NOL6: variants seen among roughly 807,000 people sequenced by gnomAD.
NOL6 encodes nucleolar protein 6.
Under a neutral mutation model 131.7 loss-of-function variants are expected in NOL6, and 33 were observed. That is an observed-to-expected ratio of 0.25 (90% CI 0.19 to 0.33). The LOEUF is 0.33. Among genes scored for constraint, NOL6 ranks in the 10% least tolerant of loss-of-function variants. The pLI, the probability that NOL6 is intolerant of heterozygous loss-of-function variation, is 1.00. For synonymous variants in NOL6, 580 were observed against 605.7 expected, an observed-to-expected ratio of 0.96 and a Z score of 0.62; for missense variants, 1,297 against 1,494.5, an observed-to-expected ratio of 0.87 and a Z score of 2.18.
In NOL6 at chr9:33,461,868, TAAGACTTGAGTCTCCCCC is replaced by T; in HGVS notation, c.*778_*795del. Reference sequence around the variant, plus strand: ...TTGGGCCCTGGGAGCTCCTGGGGAGTAAGACTTGAGTCTCCCCCATCTCTGCAACCCCACTGCAGGTAC... The same window carrying T: ...TTGGGCCCTGGGAGCTCCTGGGGAGTATCTCTGCAACCCCACTGCAGGTAC... On this transcript the variant is annotated 3_prime_UTR_variant, in exon 26 of 26. Transcript: ENST00000297990. 2.9e-6 allele frequency: 1 copy of T among 350,802 alleles called. No homozygotes were observed. Among genetic ancestry groups the T allele is most frequent in the South Asian group, 5.5e-5 (1 of 18,266 alleles). 21.7% of individuals were successfully genotyped at this position (350,802 alleles called of 1,614,324 possible).
At chr9:33,468,444 C>G in intron 9 of NOL6, 22 bp from the exon 10 acceptor site, 1 of 1,613,932 alleles carries the variant, frequency 6.2e-7, no homozygotes, top group Non-Finnish European at 8.5e-7. Context: ...TAGAGAGAAG[C>G]AGGTCAGGAT....
chr9:33,472,262 G>C lies in NOL6; in HGVS notation c.205C>G (p.Leu69Val), dbSNP rs769948895. ...ELYKEPTNEE[L>V]NRLRETEILF... is the part of the protein sequence containing the mutation. ...ATCTCAGTCTCCCGAAGGCGATTAA[G>C]CTCCTCATTGGTAGGCTCCTTGTAC... Residue 69 changes from leucine to valine, a missense_variant, in exon 2 of 26, where the codon CTT (leucine) becomes GTT (valine). Coordinates refer to ENST00000297990, the MANE Select transcript of NOL6 (RefSeq NM_022917.5). 1.9e-6 allele frequency: 3 copies of C among 1,614,118 alleles called. No homozygotes were observed. In the African/African-American group the frequency reaches 4.0e-5, roughly 22 times the overall value.
In NOL6 at chr9:33,466,981, A is replaced by G; in HGVS notation, c.1881T>C (p.Ala627=). 6.2e-7 allele frequency: 1 copy of G among 1,614,190 alleles called. No individual in the cohort carries two copies. Among genetic ancestry groups the G allele is most frequent in the Non-Finnish European group, 8.5e-7 (1 of 1,180,020 alleles). The change falls in exon 15 of 26, where the codon GCT becomes GCC. Residue 627 remains alanine (A), a synonymous_variant. Coordinates refer to ENST00000297990, the MANE Select transcript of NOL6 (RefSeq NM_022917.5). ...QVVTHLLALH[A]DIPETCVHYV... is the part of the protein sequence containing the mutation. The stretch of plus-strand genomic sequence containing the variant: ...AGTGGACACAGGTTTCTGGGATGTC[A>G]GCATGGCTGAAAAAGAGGCAGAGAC...
At chr9:33,465,018 A>G (rs779107059) in intron 20 of NOL6, 42 bp from the exon 21 acceptor site, 1 of 1,545,544 alleles carries the variant, frequency 6.5e-7, no homozygotes, top group Non-Finnish European at 8.9e-7. Flanking sequence ...GCCCAGCCAC[A>G]TATCCCCAGG....
At chr9:33,469,169 T>C (rs1490980592) in intron 6 of NOL6, 38 bp downstream of exon 6, 1 of 1,614,086 alleles carries the variant, frequency 6.2e-7, no homozygotes, top group Non-Finnish European at 8.5e-7. Context: ...CCCACACCTC[T>C]TCCCTCCAGC....
chr9:33,463,801 C>T (rs745502563), intron 23 of NOL6, 30 bp downstream of exon 23: 2 of 1,607,414 alleles, frequency 1.2e-6, no homozygotes, highest in Admixed American at 1.7e-5. Context: ...TCCCCAGAGG[C>T]CCTGGAGTCA....
In NOL6 at chr9:33,463,822, G is replaced by A. The variant is rs1488411918; in HGVS notation, c.2994+9C>T. 1 of 1,613,830 alleles carries A rather than the reference G, an allele frequency of 6.2e-7. No individual in the cohort carries two copies. The highest frequency in any genetic ancestry group is 8.5e-7 in the Non-Finnish European group (1 of 1,179,908). On this transcript the variant is annotated intron_variant, in intron 23 of 25. Coordinates refer to ENST00000297990, the MANE Select transcript of NOL6 (RefSeq NM_022917.5). Reference sequence around the variant, plus strand: ...GAGGCCCTGGAGTCACTGCTGGTCAGAAGCTTACCCTGATGTCCCCAGGTC... The same window carrying A: ...GAGGCCCTGGAGTCACTGCTGGTCAAAAGCTTACCCTGATGTCCCCAGGTC...
intron 3 of NOL6, among the ~76,000 whole-genome samples, chr9:33,471,314 T>C (rs922091767): frequency 1.3e-5 from 2 of 152,250 alleles, no homozygotes; most frequent in African/African-American, 4.8e-5. Flanking sequence ...GCATCACTGT[T>C]CTGCAAAATA....
At position 33,465,860 on chromosome 9, in the gene NOL6, C is replaced by T. The variant is rs140531440; in HGVS notation, c.2402G>A (p.Arg801Gln). 8.7e-5 allele frequency: 140 copies of T among 1,613,932 alleles called. No homozygotes were observed. The highest frequency in any genetic ancestry group is 1.0e-4 in the Non-Finnish European group (120 of 1,179,964). Residue 801 changes from arginine to glutamine, a missense_variant, in exon 19 of 26, where the codon CGG becomes CAG. Transcript: ENST00000297990. ...CACCTCCTTCAGGATCTGGGGCTCCCGCTGATAGGCCACGCGAATCCGAAA... is the reference window on the plus strand; with the variant it reads ...CACCTCCTTCAGGATCTGGGGCTCCTGCTGATAGGCCACGCGAATCCGAAA... ...FVFRIRVAYQ[R>Q]EPQILKEVQS...
chr9:33,465,021 T>A, intron 20 of NOL6, 45 bp from the exon 21 acceptor site: 1 of 1,524,972 alleles, frequency 6.6e-7, no homozygotes, highest in South Asian at 1.1e-5. Flanking sequence ...CAGCCACATA[T>A]CCCCAGGCTT....
chr9:33,465,210 G>A lies in NOL6; in HGVS notation c.2678C>T (p.Pro893Leu). The A allele has an allele frequency of 1.9e-6, 3 of 1,591,960 alleles. No homozygotes were observed. Among genetic ancestry groups the A allele is most frequent in the Non-Finnish European group, 2.6e-6 (3 of 1,168,744 alleles). The change falls in exon 20 of 26, where the codon CCG (proline) becomes CTG (leucine). Residue 893 changes from proline (P) to leucine (L), a missense_variant. Pro to Leu is a moderately conservative substitution (Grantham distance 98, BLOSUM62 -3). Coordinates refer to ENST00000297990, the MANE Select transcript of NOL6 (RefSeq NM_022917.5). ...GGGAAAAAGTGGAGGGAATCACCTC[G>A]GAGGGGTGAAGGGCTCAGGGTGCAG... ...LFLHPEPFTP[P>L]SSPQVGFLRF...
Position 33,462,634 on chromosome 9 carries a change from G to A in NOL6, c.*30C>T. 1.2e-6 allele frequency: 2 copies of A among 1,612,044 alleles called. No individual in the cohort carries two copies. Among genetic ancestry groups the A allele is most frequent in the Non-Finnish European group, 1.7e-6 (2 of 1,178,544 alleles). On this transcript the variant is annotated 3_prime_UTR_variant, in exon 26 of 26. Transcript: ENST00000297990. ...TGCTCTAGAGGTCCAATGTCCTGCTGTCCGTCTACAGCTTGCTCCAGAGCT... is the reference window on the plus strand; with the variant it reads ...TGCTCTAGAGGTCCAATGTCCTGCTATCCGTCTACAGCTTGCTCCAGAGCT...
intron 4 of NOL6, 85 bp downstream of exon 4, chr9:33,469,927 T>C (rs1827361319): frequency 2.9e-6 from 4 of 1,370,632 alleles, no homozygotes; most frequent in South Asian, 1.4e-5. Context: ...TTCAATCCCC[T>C]GGCAAGCGGC....
intron 19 of NOL6, 80 bp downstream of exon 19, chr9:33,465,654 G>A (rs1234645945): frequency 7.5e-6 from 11 of 1,466,220 alleles, no homozygotes; most frequent in African/African-American, 7.0e-5. Flanking sequence ...TCTGGCCCCT[G>A]GAGAGACAGG....
At position 33,470,121 on chromosome 9, in the gene NOL6, C is replaced by A. The variant is rs993645496; in HGVS notation, c.449G>T (p.Gly150Val). ...PLHQVPYAVK[G>V]CFRFLPPAQV... ...GGCTGGGGGCAGGAAGCGGAAACAGCCCTTCACGGCATAGGGCACTTGGTG... is the reference window on the plus strand; with the variant it reads ...GGCTGGGGGCAGGAAGCGGAAACAGACCTTCACGGCATAGGGCACTTGGTG... Residue 150 changes from glycine to valine, a missense_variant, in exon 4 of 26, where the codon GGC becomes GTC. By Grantham distance (109) the Gly-to-Val change is moderately radical. Transcript: ENST00000297990. The A allele has an allele frequency of 6.2e-7, 1 of 1,612,618 alleles. No individual in the cohort carries two copies.
rs377404233 is a variant in NOL6 at position 33,467,838 on chromosome 9, C to T, written c.1455G>A (p.Ala485=). The change falls in exon 12 of 26, where the codon GCG becomes GCA. Residue 485 remains alanine (A), a synonymous_variant. Coordinates refer to ENST00000297990, the MANE Select transcript of NOL6 (RefSeq NM_022917.5). The surrounding 1 kb of genome is among the most constrained non-coding windows in gnomAD (Gnocchi z 4.4). ...CTGGCCAGAGCTTCAGCCGGTGGCA[C>T]GCTGCCTGCAGGCGACTCAGTGGAC... ...HLRPLSRLQA[A]CHRLKLWPEL... is the part of the protein sequence containing the mutation. The T allele has an allele frequency of 3.1e-5, 49 of 1,597,480 alleles. No individual in the cohort carries two copies. In the East Asian group the frequency reaches 5.4e-4, roughly 17 times the overall value.
chr9:33,463,433 G>T lies in NOL6; in HGVS notation c.3003C>A (p.Phe1001Leu). The T allele has an allele frequency of 6.2e-7, 1 of 1,610,718 alleles. No homozygotes were observed. The highest frequency in any genetic ancestry group is 8.5e-7 in the Non-Finnish European group (1 of 1,178,286). ...CGTCGTAAATGTCCAAGGGCGGCCG[G>T]AACACTGTCTAAGGAAGGGGAGAAG... is the stretch of plus-strand genomic sequence containing the variant. Reference protein sequence around the residue: ...PRGPGDIRTVFRPPLDIYDVL... With the variant: ...PRGPGDIRTVLRPPLDIYDVL... The change falls in exon 24 of 26, where the codon TTC (phenylalanine) becomes TTA (leucine). Residue 1001 changes from phenylalanine (F) to leucine (L), a missense_variant. By Grantham distance (22) the Phe-to-Leu change is conservative (BLOSUM62 0). Coordinates refer to ENST00000297990, the MANE Select transcript of NOL6 (RefSeq NM_022917.5).
In NOL6 at chr9:33,471,990, G is replaced by T; in HGVS notation, c.378+14C>A. ...CTCTCTTGGGCTTCCCAGTTCCCCA[G>T]GCCACTTGCTTACCTCTGTCTCAGG... is the stretch of plus-strand genomic sequence containing the variant. On this transcript the variant is annotated intron_variant, in intron 3 of 25. Transcript: ENST00000297990. The T allele has an allele frequency of 6.3e-7, 1 of 1,591,480 alleles. No individual in the cohort carries two copies. Among genetic ancestry groups the T allele is most frequent in the South Asian group, 1.1e-5 (1 of 90,538 alleles).
chr9:33,469,330 GCT>G lies in NOL6; in HGVS notation c.737_738del (p.Glu246AlafsTer14). ...SLLLRPRGKDERLVTVRLHPC... is the reference protein window; with the variant it reads ...SLLLRPRGKDXRLVTVRLHPC... ...GGATGCAGACGTACAGTGACCAGGCGCTCATCCTTTCCTGCCAGAGACAGTGA... is the reference window on the plus strand; with the variant it reads ...GGATGCAGACGTACAGTGACCAGGCGCATCCTTTCCTGCCAGAGACAGTGA... On this transcript the variant is annotated frameshift_variant, in exon 6 of 26. Transcript: ENST00000297990. LOFTEE classifies it high-confidence loss of function. 1 of 1,614,018 alleles carries G rather than the reference GCT, an allele frequency of 6.2e-7. No homozygotes were observed.
Sources: gnomAD v4.1 joint callset for allele counts (sites outside exome capture counted in the v4.1 genomes callset) on GRCh38, gnomAD v4.1.1 for gene constraint, Gnocchi (gnomAD v3.1) non-coding constraint, MANE v1.5 for transcripts, NCBI Gene and HGNC (gene_info 2026-07-23, HGNC 2026-07-21) for gene names.